The following ZNF317 variants were observed in gnomAD, a reference collection of about 807,000 sequenced individuals.
ZNF317 encodes zinc finger protein 317.
A neutral mutation model predicts 23.4 loss-of-function variants in ZNF317; 17 were observed. That is an observed-to-expected ratio of 0.73 (90% CI 0.50 to 1.09). ZNF317 has a LOEUF of 1.09. ZNF317 is among the 50% of genes least tolerant of loss of function. The pLI is 0.00. For synonymous variants in ZNF317, 317 were observed against 314.9 expected, an observed-to-expected ratio of 1.01 and a Z score of -0.07; for missense variants, 679 against 796.7, an observed-to-expected ratio of 0.85 and a Z score of 1.78.
intron 1 of ZNF317, among the ~76,000 whole-genome samples, chr19:9,143,757 T>A (rs567876571): frequency 9.1e-4 from 138 of 151,540 alleles, no homozygotes; most frequent in East Asian, 5.8e-3. Flanking sequence ...TTTTTTTTTT[T>A]AATTTTTGTG....
chr19:9,161,535 A>T lies in ZNF317; in HGVS notation c.*102A>T. Reference sequence around the variant, plus strand: ...CTCGCACCTTACTGGGTGCAAAAGAATCCACGGAACTTGGGAGAAGTCCAG... The same window carrying T: ...CTCGCACCTTACTGGGTGCAAAAGATTCCACGGAACTTGGGAGAAGTCCAG... On this transcript the variant is annotated 3_prime_UTR_variant, in exon 7 of 7. Coordinates refer to ENST00000247956, the MANE Select transcript of ZNF317 (RefSeq NM_020933.5). This position sits in a 1 kb window ranked among gnomAD's most constrained non-coding sequence, Gnocchi z 4.0. The T allele has an allele frequency of 2.0e-6, 3 of 1,484,970 alleles. No homozygotes were observed. The highest frequency in any genetic ancestry group is 2.7e-6 in the Non-Finnish European group (3 of 1,110,668). The allele number at this position is 1,484,970 out of a possible 1,614,324, so 92.0% of individuals were successfully genotyped here.
At chr19:9,147,807 G>C (rs2050699522) in intron 1 of ZNF317, among the ~76,000 whole-genome samples, 1 of 152,092 alleles carries the variant, frequency 6.6e-6, no homozygotes, top group African/African-American at 2.4e-5. Flanking sequence ...GAGACTCTCT[G>C]ATACAGTTTG....
chr19:9,145,024 A>G (rs1318914499), intron 1 of ZNF317, among the ~76,000 whole-genome samples: 1 of 152,186 alleles, frequency 6.6e-6, no homozygotes, highest in Non-Finnish European at 1.5e-5. Context: ...AATGATGAGA[A>G]GTCAGCTGTC....
At chr19:9,144,299 G>A (rs1054058606) in intron 1 of ZNF317, among the ~76,000 whole-genome samples, 10 of 152,068 alleles carry the variant, frequency 6.6e-5, no homozygotes, top group Middle Eastern at 3.2e-3. Context: ...CACCGCGCCC[G>A]GCTCTTATTG....
rs2050876659 is a variant in ZNF317, at chr19:9,163,020, G to A, written c.*1587G>A. On this transcript the variant is annotated 3_prime_UTR_variant, in exon 7 of 7. Transcript: ENST00000247956. ...ATCCAGGTTCTGTCAGATTAGTAAG[G>A]TGTGCTAATCTAAATTTTAAAAAAT... 1 of 152,174 alleles carries A rather than the reference G, an allele frequency of 6.6e-6. No individual in the cohort carries two copies. The highest frequency in any genetic ancestry group is 6.5e-5 in the Admixed American group (1 of 15,272). The allele number at this position is 152,174 out of a possible 1,614,324, so 9.4% of individuals were successfully genotyped here.
At chr19:9,156,825 T>C in intron 3 of ZNF317, 77 bp downstream of exon 3, 1 of 1,536,136 alleles carries the variant, frequency 6.5e-7, no homozygotes, top group Middle Eastern at 1.8e-4. Context: ...CTGGAATTCT[T>C]GCAGAGCTTC....
chr19:9,157,949 C>T, intron 4 of ZNF317, 31 bp from the exon 5 acceptor site: 1 of 1,548,640 alleles, frequency 6.5e-7, no homozygotes, highest in Non-Finnish European at 8.7e-7. Flanking sequence ...GCATGGCCCT[C>T]CCTCAACCTG....
In ZNF317 at chr19:9,160,033, A is replaced by T; in HGVS notation, c.469-81A>T. ...TAGTAATGTGCTTCTATCTGTTCAT[A>T]GCAGTGTATGTGGGGATGACGCTTA... On this transcript the variant is annotated intron_variant, in intron 6 of 6. Coordinates refer to ENST00000247956, the MANE Select transcript of ZNF317 (RefSeq NM_020933.5). This position sits in a 1 kb window ranked among gnomAD's most constrained non-coding sequence, Gnocchi z 6.8. 1 of 1,572,568 alleles carries T rather than the reference A, an allele frequency of 6.4e-7. No individual in the cohort carries two copies. Among genetic ancestry groups the T allele is most frequent in the Non-Finnish European group, 8.7e-7 (1 of 1,154,168 alleles).
chr19:9,157,926 G>T (rs1310078677), intron 4 of ZNF317, 54 bp from the exon 5 acceptor site: 1 of 1,531,148 alleles, frequency 6.5e-7, no homozygotes, highest in Non-Finnish European at 8.8e-7. Flanking sequence ...GCTACTGGAA[G>T]GGGTTGTCCT....
chr19:9,155,009 A>G (rs1334618179), intron 1 of ZNF317, among the ~76,000 whole-genome samples: 1 of 151,990 alleles, frequency 6.6e-6, no homozygotes, highest in African/African-American at 2.4e-5. Context: ...AAAGTCTTTT[A>G]CCCTTTTTGT....
chr19:9,157,702 T>TA, intron 4 of ZNF317: 1 of 595,908 alleles, frequency 1.7e-6, no homozygotes, highest in Non-Finnish European at 2.3e-6. Context: ...TTTTTTTTTT[T>TA]ATTTTTGGTG....
Position 9,160,551 on chromosome 19 carries a change from C to A in ZNF317, c.906C>A (p.Gly302=). ...ALKIHMRVHT[G]ERPYKCDQCG... is the part of the protein sequence containing the mutation. ...AAATCCACATGCGAGTTCACACTGGCGAGAGGCCTTACAAGTGTGATCAGT... is the reference window on the plus strand; with the variant it reads ...AAATCCACATGCGAGTTCACACTGGAGAGAGGCCTTACAAGTGTGATCAGT... The change falls in exon 7 of 7, where the codon GGC becomes GGA. Residue 302 remains glycine (G), a synonymous_variant. Coordinates refer to ENST00000247956, the MANE Select transcript of ZNF317 (RefSeq NM_020933.5). This position sits in a 1 kb window ranked among gnomAD's most constrained non-coding sequence, Gnocchi z 6.8. 1 of 1,614,162 alleles carries A rather than the reference C, an allele frequency of 6.2e-7. No individual in the cohort carries two copies. Among genetic ancestry groups the A allele is most frequent in the Admixed American group, 1.7e-5 (1 of 60,022 alleles).
At chr19:9,149,054 C>G (rs1032264999) in intron 1 of ZNF317, among the ~76,000 whole-genome samples, 3 of 152,200 alleles carry the variant, frequency 2.0e-5, no homozygotes, top group Non-Finnish European at 4.4e-5. Context: ...GAACAAGTGA[C>G]ATGAGCAAGG....
At chr19:9,146,731 A>G (rs1283718356) in intron 1 of ZNF317, among the ~76,000 whole-genome samples, 1 of 152,168 alleles carries the variant, frequency 6.6e-6, no homozygotes, top group Admixed American at 6.5e-5. Context: ...TGCTGGGCCT[A>G]TATTTACGTG....
Position 9,162,214 on chromosome 19 carries a change from A to C in ZNF317, c.*781A>C, listed in dbSNP as rs118007221. On this transcript the variant is annotated 3_prime_UTR_variant, in exon 7 of 7. Coordinates refer to ENST00000247956, the MANE Select transcript of ZNF317 (RefSeq NM_020933.5). ...GGGAAGATACTCCTGACTTGTAATA[A>C]GAAGACATCAGAGATGCTGCTAAGT... 2 of 152,114 alleles carry C rather than the reference A, an allele frequency of 1.3e-5. No individual in the cohort carries two copies. The highest frequency in any genetic ancestry group is 4.8e-5 in the African/African-American group (2 of 41,436). 9.4% of individuals were successfully genotyped at this position (152,114 alleles called of 1,614,324 possible).
chr19:9,147,222 A>G (rs983345582), intron 1 of ZNF317, among the ~76,000 whole-genome samples: 1 of 152,118 alleles, frequency 6.6e-6, no homozygotes, highest in Non-Finnish European at 1.5e-5. Flanking sequence ...AACTGCTTTC[A>G]CCATGCTGTA....
chr19:9,141,491 C>T (rs1264201563), intron 1 of ZNF317, among the ~76,000 whole-genome samples: 1 of 152,176 alleles, frequency 6.6e-6, no homozygotes, highest in East Asian at 1.9e-4. Flanking sequence ...TGTGAATGAA[C>T]TCAGGCGCTT....
Position 9,160,131 on chromosome 19 carries a change from A to G in ZNF317, c.486A>G (p.Gly162=). The G allele has an allele frequency of 6.2e-7, 1 of 1,614,038 alleles. No homozygotes were observed. Among genetic ancestry groups the G allele is most frequent in the South Asian group, 1.1e-5 (1 of 91,080 alleles). The change falls in exon 7 of 7, where the codon GGA becomes GGG. Residue 162 remains glycine, a synonymous_variant. Transcript: ENST00000247956. This position sits in a 1 kb window ranked among gnomAD's most constrained non-coding sequence, Gnocchi z 6.8. The part of the protein sequence containing the change: ...SGVTMERAGL[G]EKSTEYAHLF... ...ACCAACAGGAAAGAGCCGGTCTTGG[A>G]GAGAAGTCCACTGAATACGCTCACT...
chr19:9,160,591 G>A lies in ZNF317; in HGVS notation c.946G>A (p.Gly316Ser), dbSNP rs767376703. The A allele has an allele frequency of 5.6e-6, 9 of 1,613,782 alleles. No individual in the cohort carries two copies. Among genetic ancestry groups the A allele is most frequent in the East Asian group, 2.2e-5 (1 of 44,834 alleles). The change falls in exon 7 of 7, where the codon GGC (glycine) becomes AGC (serine). Residue 316 changes from glycine (G) to serine (S), a missense_variant. Transcript: ENST00000247956. This position sits in a 1 kb window ranked among gnomAD's most constrained non-coding sequence, Gnocchi z 6.8. ...YKCDQCGKAYGRSCHLIAHKR... is the reference protein window; with the variant it reads ...YKCDQCGKAYSRSCHLIAHKR... The stretch of plus-strand genomic sequence containing the variant: ...GTGTGATCAGTGCGGGAAGGCTTAC[G>A]GCCGGAGCTGCCACCTCATCGCACA...
Sources: gnomAD v4.1 joint callset for allele counts (sites outside exome capture counted in the v4.1 genomes callset) on GRCh38, gnomAD v4.1.1 for gene constraint, Gnocchi (gnomAD v3.1) non-coding constraint, MANE v1.5 for transcripts, NCBI Gene and HGNC (gene_info 2026-07-23, HGNC 2026-07-21) for gene names.